Variants in HNF4A observed in about 807,000 individuals in gnomAD.
HNF4A encodes the protein hepatocyte nuclear factor 4-alpha.
A neutral mutation model predicts 52.4 loss-of-function variants in HNF4A; 15 were observed. The ratio of observed to expected loss-of-function variants is 0.29; its 90% confidence interval spans 0.19 to 0.44. The LOEUF (loss-of-function observed/expected upper bound fraction) is 0.44. Ranked by LOEUF, HNF4A falls within the 20% of genes least tolerant of loss-of-function variation. The pLI is 1.00. For synonymous variants in HNF4A, 280 were observed against 264.4 expected (o/e 1.06, Z -0.57); for missense variants, 479 against 647.2 (o/e 0.74, Z 2.82).
intron 7 of HNF4A, among the ~76,000 whole-genome samples, chr20:44,423,247 C>T (rs2063771551): frequency 6.6e-6 from 1 of 151,986 alleles, no homozygotes; most frequent in African/African-American, 2.4e-5. Flanking sequence ...ACCCAGGAGG[C>T]AGAGGTTGCG....
chr20:44,429,975 C>T lies in HNF4A; in HGVS notation c.*310C>T. On this transcript the variant is annotated 3_prime_UTR_variant, in exon 10 of 10. Transcript: ENST00000316099. ...CAACCCCCGACTTCATCCCAAAGGACAGCCGCCTGGAGATGACTTGAGGCC... is the reference window on the plus strand; with the variant it reads ...CAACCCCCGACTTCATCCCAAAGGATAGCCGCCTGGAGATGACTTGAGGCC... 2.5e-6 allele frequency: 1 copy of T among 394,278 alleles called. No individual in the cohort carries two copies. Among genetic ancestry groups the T allele is most frequent in the South Asian group, 3.3e-5 (1 of 30,254 alleles). The allele number at this position is 394,278 out of a possible 1,614,324, so 24.4% of individuals were successfully genotyped here.
upstream of HNF4A, among the ~76,000 whole-genome samples, chr20:44,399,299 A>G (rs1388656044): frequency 6.6e-6 from 1 of 152,064 alleles, no homozygotes; most frequent in Non-Finnish European, 1.5e-5. Context: ...TCATCTTTCT[A>G]TTTTACAGAG....
chr20:44,413,448 T>G (rs1354165758), intron 3 of HNF4A, among the ~76,000 whole-genome samples: 1 of 152,146 alleles, frequency 6.6e-6, no homozygotes, highest in African/African-American at 2.4e-5. Flanking sequence ...CTTCACTGTC[T>G]TGCGCGCCCC....
exon 1 of HNF4A, chr20:44,355,742 T>C (rs2062849769): frequency 1.3e-6 from 2 of 1,486,718 alleles, no homozygotes; most frequent in Non-Finnish European, 1.9e-6. Flanking sequence ...GTGGCTGTGC[T>C]GCTGCTGTGA....
intron 1 of HNF4A, chr20:44,395,622 A>G (rs2063346582): frequency 6.6e-6 from 1 of 152,334 alleles, no homozygotes; most frequent in Non-Finnish European, 1.5e-5. Flanking sequence ...AAGCCGCTAA[A>G]GGAAGCAGCA....
chr20:44,356,757 A>G (rs1450529579), intron 1 of HNF4A, among the ~76,000 whole-genome samples: 1 of 152,224 alleles, frequency 6.6e-6, no homozygotes, highest in Non-Finnish European at 1.5e-5. Flanking sequence ...CTGAGGAGGG[A>G]AATTCAAGAG....
intron 1 of HNF4A, among the ~76,000 whole-genome samples, chr20:44,369,872 AT>A (rs1442772549): frequency 6.6e-6 from 1 of 151,926 alleles, no homozygotes; most frequent in Non-Finnish European, 1.5e-5. Context: ...ACCTCAAGCG[AT>A]TTGTCCACCT....
intron 7 of HNF4A, among the ~76,000 whole-genome samples, chr20:44,420,826 T>TA (rs1555816919): frequency 9.2e-5 from 14 of 151,576 alleles, no homozygotes; most frequent in East Asian, 3.9e-4. Flanking sequence ...TAAAAAATAA[T>TA]AATAAATAAA....
At chr20:44,410,684 C>A (rs2063568907) in intron 3 of HNF4A, among the ~76,000 whole-genome samples, 1 of 152,066 alleles carries the variant, frequency 6.6e-6, no homozygotes, top group African/African-American at 2.4e-5. Flanking sequence ...TCAAGACCAG[C>A]TGAGTCTATA....
chr20:44,389,545 C>T (rs1415541357), intron 1 of HNF4A: 1 of 152,220 alleles, frequency 6.6e-6, no homozygotes, highest in Non-Finnish European at 1.5e-5. Flanking sequence ...ATATTTTGCC[C>T]ATGGTCTTCC....
At position 44,413,678 on chromosome 20, in the gene HNF4A, C is replaced by G; in HGVS notation, c.386-16C>G. ...ATCCCTGTTCTCCCTCCTCACCTCT[C>G]TGTGCCTCCTCACAGCCGTCCAGAA... On this transcript the variant is annotated splice_polypyrimidine_tract_variant and intron_variant, in intron 3 of 9. Coordinates refer to ENST00000316099, the MANE Select transcript of HNF4A (RefSeq NM_000457.6). The G allele has an allele frequency of 2.5e-6, 4 of 1,604,822 alleles. No homozygotes were observed. Among genetic ancestry groups the G allele is most frequent in the Non-Finnish European group, 3.4e-6 (4 of 1,172,302 alleles).
At chr20:44,382,728 C>G (rs2063171399) in intron 1 of HNF4A, among the ~76,000 whole-genome samples, 1 of 152,190 alleles carries the variant, frequency 6.6e-6, no homozygotes, top group African/African-American at 2.4e-5. Flanking sequence ...GAGGTTTGGG[C>G]AGCTGCCACC....
chr20:44,370,095 C>T (rs1162296042), intron 1 of HNF4A, among the ~76,000 whole-genome samples: 1 of 151,958 alleles, frequency 6.6e-6, no homozygotes, highest in African/African-American at 2.4e-5. Context: ...GGCGCGATCT[C>T]GGCTCACTGC....
chr20:44,415,857 G>A (rs1238737423), intron 5 of HNF4A, among the ~76,000 whole-genome samples: 1 of 152,098 alleles, frequency 6.6e-6, no homozygotes, highest in Non-Finnish European at 1.5e-5. Context: ...CATTAGCAGA[G>A]TCGACAGGGC....
chr20:44,428,272 C>A (rs1016763495), intron 8 of HNF4A, 63 bp from the exon 9 acceptor site: 9 of 1,564,816 alleles, frequency 5.8e-6, no homozygotes, highest in Non-Finnish European at 7.9e-6. Flanking sequence ...AGGAAGATGG[C>A]GTCCCAAGGC....
chr20:44,418,116 A>C (rs546566810), intron 5 of HNF4A, among the ~76,000 whole-genome samples: 2 of 152,184 alleles, frequency 1.3e-5, no homozygotes, highest in Non-Finnish European at 1.5e-5. Context: ...AAAGAAAAAA[A>C]AAGCACACAG....
upstream of HNF4A, among the ~76,000 whole-genome samples, chr20:44,398,870 A>G (rs2425639): frequency 0.42 from 64,591 of 152,132 alleles, 15,389 homozygotes; most frequent in Admixed American, 0.58. Flanking sequence ...TTTGTTGCCA[A>G]TGAAATTCTG....
chr20:44,405,268 C>CAAATTTTTT (rs75182602), intron 1 of HNF4A, among the ~76,000 whole-genome samples: 27,003 of 151,288 alleles, frequency 0.18, 2,741 homozygotes, highest in Middle Eastern at 0.27. Context: ...AATTTGGAAA[C>CAAATTTTTT]AAATTTTTTA....
rs1167632375 is a variant in HNF4A, at chr20:44,432,022, G to C, written c.*2357G>C. On this transcript the variant is annotated 3_prime_UTR_variant, in exon 10 of 10. Coordinates refer to ENST00000316099, the MANE Select transcript of HNF4A (RefSeq NM_000457.6). Reference sequence around the variant, plus strand: ...GCCAGACGGCTCAGCCTGGTCTGCGGTAAGGCAGGGAGGCTGGAACCATTT... The same window carrying C: ...GCCAGACGGCTCAGCCTGGTCTGCGCTAAGGCAGGGAGGCTGGAACCATTT... 6.6e-6 allele frequency: 1 copy of C among 152,286 alleles called. No homozygotes were observed. The highest frequency in any genetic ancestry group is 6.5e-5 in the Admixed American group (1 of 15,286). 9.4% of individuals were successfully genotyped at this position (152,286 alleles called of 1,614,324 possible).
Sources: allele counts gnomAD v4.1 joint callset (sites outside exome capture counted in the v4.1 genomes callset), GRCh38; gene constraint gnomAD v4.1.1; transcripts MANE v1.5; gene names NCBI Gene and HGNC (gene_info 2026-07-23, HGNC 2026-07-21).